Variants in MCPH1 observed in about 807,000 individuals in gnomAD.
MCPH1 encodes microcephalin 1, also known as microcephalin.
A neutral mutation model predicts 84.5 loss-of-function variants in MCPH1; 104 were observed. The ratio of observed to expected loss-of-function variants is 1.23; its 90% CI spans 1.05 to 1.45. The LOEUF (loss-of-function observed/expected upper bound fraction) is 1.45, where lower values mean the gene tolerates loss of function less well. Ranked by LOEUF, MCPH1 falls within the 40% of genes most tolerant of loss-of-function variation. MCPH1 has a pLI of 0.00. For synonymous variants in MCPH1, 514 were observed against 366.8 expected (o/e 1.40, Z -4.58); for missense variants, 1,498 against 1,005.7 (o/e 1.49, Z -6.62).
intron 12 of MCPH1, chr8:6,563,296 C>A (rs1825832065): frequency 5.8e-6 from 1 of 173,504 alleles, no homozygotes; most frequent in Admixed American, 5.6e-5. Flanking sequence ...ATAAGAGCAG[C>A]CAGACATGTG....
rs1339483824 is a variant in MCPH1 at position 6,513,635 on chromosome 8, A to C, written c.2214+13706A>C. On this transcript the variant is annotated intron_variant, in intron 12 of 13. Coordinates refer to ENST00000344683, the MANE Select transcript of MCPH1 (RefSeq NM_024596.5). ...GGCGTGAGCCACCGTGCCCGGCCAC[A>C]AATCTTTTAATTTTTTCTTTCAATT... is the stretch of plus-strand genomic sequence containing the variant. 17 of 1,575,050 alleles carry C rather than the reference A, an allele frequency of 1.1e-5. 1 individual carries two copies. The highest frequency in any genetic ancestry group is 1.4e-5 in the Non-Finnish European group (16 of 1,158,942).
chr8:6,501,699 G>A (rs1311336887), intron 12 of MCPH1: 3 of 151,896 alleles, frequency 2.0e-5, no homozygotes, highest in East Asian at 1.9e-4. Flanking sequence ...GGGATTACAG[G>A]TGCCCGCCAG....
intron 12 of MCPH1, among the ~76,000 whole-genome samples, chr8:6,517,886 C>T (rs1816576398): frequency 6.6e-6 from 1 of 152,172 alleles, no homozygotes; most frequent in African/African-American, 2.4e-5. Flanking sequence ...TAACAATTGA[C>T]ACCACTTATT....
chr8:6,572,375 T>C (rs941906247), intron 12 of MCPH1, among the ~76,000 whole-genome samples: 3 of 152,162 alleles, frequency 2.0e-5, no homozygotes, highest in Non-Finnish European at 4.4e-5. Context: ...AGAATGCAAG[T>C]ATCAAATCCA....
At chr8:6,537,823 C>G (rs1318862860) in intron 12 of MCPH1, among the ~76,000 whole-genome samples, 1 of 152,054 alleles carries the variant, frequency 6.6e-6, no homozygotes, top group Non-Finnish European at 1.5e-5. Flanking sequence ...TGAAAACTAT[C>G]CCCAACTTGG....
At chr8:6,594,927 T>A (rs970944615) in intron 12 of MCPH1, among the ~76,000 whole-genome samples, 16 of 152,204 alleles carry the variant, frequency 1.1e-4, no homozygotes, top group African/African-American at 3.9e-4. Flanking sequence ...AGGGGCTCCA[T>A]AATGGTTTTA....
chr8:6,539,901 G>C (rs577236227), intron 12 of MCPH1, among the ~76,000 whole-genome samples: 4 of 152,290 alleles, frequency 2.6e-5, no homozygotes, highest in Non-Finnish European at 5.9e-5. Flanking sequence ...AATAATTTAT[G>C]AGTGACTATC....
chr8:6,531,468 T>G (rs992661624), intron 12 of MCPH1, among the ~76,000 whole-genome samples: 2 of 152,076 alleles, frequency 1.3e-5, no homozygotes, highest in African/African-American at 2.4e-5. Context: ...TGTTTGTATT[T>G]TTTAGTAGAG....
At chr8:6,500,079 C>G (rs1187893598) in intron 12 of MCPH1, 150 bp downstream of exon 12, 1 of 701,508 alleles carries the variant, frequency 1.4e-6, no homozygotes, top group African/African-American at 1.8e-5. Flanking sequence ...CACCTTTTAT[C>G]AATTTATTCG....
chr8:6,520,264 T>G (rs564436688), intron 12 of MCPH1, among the ~76,000 whole-genome samples: 2 of 152,254 alleles, frequency 1.3e-5, no homozygotes, highest in Non-Finnish European at 2.9e-5. Context: ...ATCAATTACA[T>G]GTAATGAAAG....
At chr8:6,617,774 T>C (rs1005012510) in intron 12 of MCPH1, among the ~76,000 whole-genome samples, 3 of 152,134 alleles carry the variant, frequency 2.0e-5, no homozygotes, top group African/African-American at 4.8e-5. Context: ...CTTCCTGGGC[T>C]CAAGTGATCC....
chr8:6,555,433 A>C (rs10481362), intron 12 of MCPH1, among the ~76,000 whole-genome samples: 11,434 of 151,188 alleles, frequency 0.076, 1,267 homozygotes, highest in African/African-American at 0.24. Context: ...TCTTGGTTAT[A>C]ACATAATTTG....
intron 12 of MCPH1, among the ~76,000 whole-genome samples, chr8:6,532,902 C>G (rs1253489983): frequency 1.3e-5 from 2 of 152,214 alleles, no homozygotes; most frequent in Non-Finnish European, 2.9e-5. Context: ...AGAAGCATCA[C>G]TATTTCTCTC....
intron 12 of MCPH1, chr8:6,521,525 T>A (rs1385270531): frequency 1.3e-6 from 1 of 764,912 alleles, no homozygotes; most frequent in Non-Finnish European, 2.0e-6. Context: ...GGTTATAAAG[T>A]AATATGATGT....
chr8:6,589,192 T>G (rs1828246925), intron 12 of MCPH1, among the ~76,000 whole-genome samples: 2 of 152,220 alleles, frequency 1.3e-5, no homozygotes, highest in Non-Finnish European at 2.9e-5. Context: ...GACATAGAAG[T>G]GAAGGCATTT....
At chr8:6,616,214 C>A (rs890954068) in intron 12 of MCPH1, 7 of 152,124 alleles carry the variant, frequency 4.6e-5, no homozygotes, top group African/African-American at 1.7e-4. Context: ...TGGGAAAGTG[C>A]ATCTTAAGAC....
intron 12 of MCPH1, among the ~76,000 whole-genome samples, chr8:6,603,209 A>G (rs907626143): frequency 6.6e-6 from 1 of 152,158 alleles, no homozygotes; most frequent in African/African-American, 2.4e-5. Context: ...TGGGGCTCAT[A>G]GGAATGTGCT....
intron 12 of MCPH1, among the ~76,000 whole-genome samples, chr8:6,585,130 G>C (rs1827867039): frequency 6.6e-6 from 1 of 152,206 alleles, no homozygotes; most frequent in Non-Finnish European, 1.5e-5. Flanking sequence ...TTCAGACTAA[G>C]ACAGTGTCTC....
At chr8:6,624,389 G>A (rs182101841) in intron 13 of MCPH1, among the ~76,000 whole-genome samples, 302 of 152,326 alleles carry the variant, frequency 2.0e-3, no homozygotes, top group African/African-American at 6.8e-3. Context: ...CCGGCCACCA[G>A]ACCCCAGTGT....
Sources: allele counts gnomAD v4.1 joint callset (sites outside exome capture counted in the v4.1 genomes callset), GRCh38; gene constraint gnomAD v4.1.1; transcripts MANE v1.5; gene names NCBI Gene and HGNC (gene_info 2026-07-23, HGNC 2026-07-21).